Variants in SYTL5 observed in about 807,000 individuals in gnomAD.
SYTL5 encodes the protein synaptotagmin-like protein 5.
A neutral mutation model predicts 55.9 loss-of-function variants in SYTL5; 34 were observed. The observed-to-expected ratio is 0.61, with a 90% CI of 0.46 to 0.81. The LOEUF (loss-of-function observed/expected upper bound fraction) is 0.81, where lower values mean the gene tolerates loss of function less well. SYTL5 is among the 30% of genes least tolerant of loss of function. The pLI is 0.00. For missense variants in SYTL5, 637 were observed against 546.7 expected (o/e 1.17, Z -1.65); for synonymous variants, 221 against 188.7 (o/e 1.17, Z -1.40).
the SYTL5 span, among the ~76,000 whole-genome samples, chrX:37,915,282 A>G: frequency 8.0e-5 from 9 of 111,810 alleles, no homozygotes; most frequent in African/African-American, 2.9e-4. Flanking sequence ...ATGCCACCAA[A>G]CAAAGCAGTA....
At chrX:38,061,262 C>G (rs769038794) in intron 3 of SYTL5, among the ~76,000 whole-genome samples, 3 of 111,727 alleles carry the variant, frequency 2.7e-5, no homozygotes, top group Non-Finnish European at 3.8e-5. Context: ...AGCTGAAAAT[C>G]AGAGTACATT....
rs752361547 is a variant in SYTL5 at position 38,076,167 on chromosome X, G to A, written c.555-400G>A. Among the ~76,000 whole-genome samples the A allele has an allele frequency of 6.2e-5, 7 of 112,133 alleles. No individual in the cohort carries two copies. The South Asian group carries it at 2.6e-3, about 42-fold the overall frequency. On this transcript the variant is annotated intron_variant, in intron 5 of 16. Coordinates refer to ENST00000297875, the MANE Select transcript of SYTL5 (RefSeq NM_138780.3). ...CTCTCATGGAGCTGCAGTCTAATAAGCAGCTACCTCAGTTTGTCCAAGAGG... is the reference window on the plus strand; with the variant it reads ...CTCTCATGGAGCTGCAGTCTAATAAACAGCTACCTCAGTTTGTCCAAGAGG...
At chrX:37,904,363 G>T in the SYTL5 span, among the ~76,000 whole-genome samples, 22 of 107,128 alleles carry the variant, frequency 2.1e-4, no homozygotes, top group African/African-American at 5.5e-4. Context: ...AATGCAGAGT[G>T]GGGGGGACTT....
At chrX:38,053,252 A>C (rs1935675202) in intron 2 of SYTL5, among the ~76,000 whole-genome samples, 1 of 112,606 alleles carries the variant, frequency 8.9e-6, no homozygotes, top group Non-Finnish European at 1.9e-5. Flanking sequence ...TGGAACAGCA[A>C]TTTTCTAAAG....
At chrX:37,958,914 C>A in the SYTL5 span, among the ~76,000 whole-genome samples, 14 of 112,380 alleles carry the variant, frequency 1.2e-4, no homozygotes, top group African/African-American at 4.5e-4. Flanking sequence ...AATGATCTTT[C>A]ACTCCATGTG....
At chrX:37,942,438 G>A in the SYTL5 span, among the ~76,000 whole-genome samples, 1 of 111,760 alleles carries the variant, frequency 8.9e-6, no homozygotes, top group Admixed American at 9.5e-5. Flanking sequence ...GACTTTGACT[G>A]ATGAGAAGAG....
chrX:37,921,749 T>C, the SYTL5 span, among the ~76,000 whole-genome samples: 1 of 112,038 alleles, frequency 8.9e-6, no homozygotes, highest in East Asian at 2.8e-4. Flanking sequence ...CTATGCTTCC[T>C]TACAACAAAG....
At chrX:37,973,087 T>C in the SYTL5 span, among the ~76,000 whole-genome samples, 4 of 111,498 alleles carry the variant, frequency 3.6e-5, no homozygotes, top group Non-Finnish European at 7.5e-5. Flanking sequence ...AGAATGTGGG[T>C]TTTTCTCACA....
chrX:38,087,346 G>C (rs1441824142), intron 6 of SYTL5, among the ~76,000 whole-genome samples: 1 of 111,941 alleles, frequency 8.9e-6, no homozygotes, highest in African/African-American at 3.2e-5. Context: ...TACTTGGAAG[G>C]GTACAAATAT....
Position 38,106,700 on chromosome X carries a change from T to C in SYTL5, c.1263T>C (p.Gly421=). 4.1e-6 allele frequency: 5 copies of C among 1,208,465 alleles called. No homozygotes were observed. Among genetic ancestry groups the C allele is most frequent in the Non-Finnish European group, 5.6e-6 (5 of 894,298 alleles). Residue 421 remains glycine (G), a synonymous_variant, in exon 11 of 17, where the codon GGT becomes GGC. Transcript: ENST00000297875. The part of the protein sequence containing the change: ...LLHISYCYKT[G]GLYIFVKNCR... ...ATATCAGCTACTGCTACAAAACTGG[T>C]GGGCTGTACATTTTTGTCAAGAATT...
At position 38,075,438 on chromosome X, in the gene SYTL5, A is replaced by G. The variant is rs886127482; in HGVS notation, c.555-1129A>G. Among the ~76,000 whole-genome samples, 27 of 111,811 alleles carry G rather than the reference A, an allele frequency of 2.4e-4. No homozygotes were observed. In the Admixed American group the frequency reaches 2.5e-3, roughly 10 times the overall value. ...AATTACTGAGTACATATAAATAAGC[A>G]GGTGGACAATAAGTGCCAGTTGAGT... is the stretch of plus-strand genomic sequence containing the variant. On this transcript the variant is annotated intron_variant, in intron 5 of 16. Coordinates refer to ENST00000297875, the MANE Select transcript of SYTL5 (RefSeq NM_138780.3).
Position 38,079,070 on chromosome X carries a change from A to G in SYTL5, c.689+2369A>G, listed in dbSNP as rs147629333. Among the ~76,000 whole-genome samples the G allele has an allele frequency of 8.3e-3, 925 of 112,065 alleles. 28 individuals carry two copies. Among genetic ancestry groups the G allele is most frequent in the Admixed American group, 0.077 (818 of 10,567 alleles). On this transcript the variant is annotated intron_variant, in intron 6 of 16. Transcript: ENST00000297875. Reference sequence around the variant, plus strand: ...GGACTGCCACAGTGAGATGAGTTCCATTATTTCAAAATGAGTCCTTAGAAA... The same window carrying G: ...GGACTGCCACAGTGAGATGAGTTCCGTTATTTCAAAATGAGTCCTTAGAAA...
At chrX:37,987,179 T>A in the SYTL5 span, among the ~76,000 whole-genome samples, 1 of 112,052 alleles carries the variant, frequency 8.9e-6, no homozygotes, top group Non-Finnish European at 1.9e-5. Flanking sequence ...GTAAATTACA[T>A]CCTTAAAATA....
intron 6 of SYTL5, among the ~76,000 whole-genome samples, chrX:38,078,373 GC>G (rs1478269962): frequency 2.7e-5 from 3 of 109,154 alleles, no homozygotes; most frequent in African/African-American, 1.0e-4. Context: ...CCATTCTCCT[GC>G]CTCAGCCTCC....
At chrX:37,935,555 T>G in the SYTL5 span, among the ~76,000 whole-genome samples, 1 of 112,677 alleles carries the variant, frequency 8.9e-6, no homozygotes. Context: ...TTGATGGGCA[T>G]GCAATGTTTA....
the SYTL5 span, among the ~76,000 whole-genome samples, chrX:37,967,795 G>A: frequency 9.1e-6 from 1 of 109,346 alleles, no homozygotes; most frequent in Admixed American, 9.9e-5. Context: ...CCAATAACCT[G>A]TGTTTGAGAT....
chrX:37,924,549 TC>T, the SYTL5 span, among the ~76,000 whole-genome samples: 2 of 111,561 alleles, frequency 1.8e-5, no homozygotes, highest in East Asian at 5.6e-4. Context: ...AGTTACATCT[TC>T]CAATCTGAAG....
chrX:38,064,065 ATATG>A (rs1358624622), intron 3 of SYTL5, among the ~76,000 whole-genome samples: 123 of 96,732 alleles, frequency 1.3e-3, no homozygotes, highest in African/African-American at 4.5e-3. Context: ...ATACATATAT[ATATG>A]TGTGTGTGTG....
chrX:38,012,936 T>C (rs951451622), intron 1 of SYTL5, among the ~76,000 whole-genome samples: 17 of 112,068 alleles, frequency 1.5e-4, no homozygotes, highest in Non-Finnish European at 3.2e-4. Flanking sequence ...TGACTAGAAC[T>C]AGATATGTAC....
Sources: allele counts gnomAD v4.1 joint callset (sites outside exome capture counted in the v4.1 genomes callset), GRCh38; gene constraint gnomAD v4.1.1; transcripts MANE v1.5; gene names NCBI Gene and HGNC (gene_info 2026-07-23, HGNC 2026-07-21).